IFT20: variants seen among roughly 807,000 people sequenced by gnomAD.
IFT20 encodes intraflagellar transport 20, also known as intraflagellar transport protein 20 homolog.
A neutral mutation model predicts 16.9 loss-of-function variants in IFT20; 4 were observed. The ratio of observed to expected loss-of-function variants is 0.24; its 90% CI spans 0.12 to 0.54. The LOEUF (loss-of-function observed/expected upper bound fraction) is 0.54. Ranked by LOEUF, IFT20 falls within the 20% of genes least tolerant of loss-of-function variation. The pLI is 0.95. For missense variants in IFT20, 154 were observed against 149.7 expected, an observed-to-expected ratio of 1.03 and a Z score of -0.15; for synonymous variants, 48 against 49.9, an observed-to-expected ratio of 0.96 and a Z score of 0.16.
rs782177860 is a variant in IFT20 at position 28,329,188 on chromosome 17, T to C, written c.302A>G (p.Lys101Arg). 6.2e-7 allele frequency: 1 copy of C among 1,613,592 alleles called. No individual in the cohort carries two copies. Among genetic ancestry groups the C allele is most frequent in the Non-Finnish European group, 8.5e-7 (1 of 1,179,588 alleles). ...QQLQALIAEK[K>R]MQLERYRVEY... ...GACTTCTTACCTTTCTAGCTGCATT[T>C]TCTTTTCTGCTATTAGGGCTTGAAG... The change falls in exon 4 of 5, where the codon AAA becomes AGA. Residue 101 changes from lysine to arginine, a missense_variant. Lys to Arg is a conservative substitution (Grantham distance 26, BLOSUM62 2). Coordinates refer to ENST00000395418, the MANE Select transcript of IFT20 (RefSeq NM_001267776.2).
In IFT20 at chr17:28,328,457, A is replaced by G. The variant is rs1906470370; in HGVS notation, c.*195T>C. ...TGAGAACGTACACTGCAGGGCCACCAGCAGCAGCTGTGCACTGATGTTAAA... is the reference window on the plus strand; with the variant it reads ...TGAGAACGTACACTGCAGGGCCACCGGCAGCAGCTGTGCACTGATGTTAAA... On this transcript the variant is annotated 3_prime_UTR_variant, in exon 5 of 5. Transcript: ENST00000395418. 5.2e-6 allele frequency: 3 copies of G among 580,086 alleles called. No homozygotes were observed. In the South Asian group the frequency reaches 6.6e-5, roughly 13 times the overall value. 35.9% of individuals were successfully genotyped at this position (580,086 alleles called of 1,614,324 possible).
intron 3 of IFT20, 150 bp from the exon 4 acceptor site, chr17:28,329,426 A>G (rs925249161): frequency 3.2e-6 from 2 of 619,456 alleles, no homozygotes; most frequent in Non-Finnish European, 5.7e-6. Flanking sequence ...AGTCAGAAGG[A>G]TTAACCTACT....
chr17:28,328,613 T>C lies in IFT20; in HGVS notation c.*39A>G. 7.1e-7 allele frequency: 1 copy of C among 1,410,830 alleles called. No homozygotes were observed. Among genetic ancestry groups the C allele is most frequent in the African/African-American group, 1.4e-5 (1 of 69,540 alleles). The allele number at this position is 1,410,830 out of a possible 1,614,324, so 87.4% of individuals were successfully genotyped here. ...TTTTTTTGGTTTTGAGAGGCTTTTTTTTGTTTTGCCTTCCTACTATAAAAG... is the reference window on the plus strand; with the variant it reads ...TTTTTTTGGTTTTGAGAGGCTTTTTCTTGTTTTGCCTTCCTACTATAAAAG... On this transcript the variant is annotated 3_prime_UTR_variant, in exon 5 of 5. Transcript: ENST00000395418.
intron 4 of IFT20, 28 bp from the exon 5 acceptor site, chr17:28,328,761 GA>G: frequency 2.2e-6 from 3 of 1,360,716 alleles, no homozygotes; most frequent in South Asian, 1.2e-5. Context: ...TAGAGGCCCT[GA>G]AAAAAAGATG....
intron 2 of IFT20, 85 bp downstream of exon 2, chr17:28,331,774 C>T: frequency 3.2e-6 from 5 of 1,554,230 alleles, no homozygotes; most frequent in Non-Finnish European, 4.4e-6. Context: ...CCAGCAGCTC[C>T]ACTGTGGCAG....
intron 3 of IFT20, 196 bp downstream of exon 3, chr17:28,330,247 A>T (rs541557120): frequency 3.6e-5 from 22 of 616,942 alleles, no homozygotes; most frequent in African/African-American, 1.7e-4. Flanking sequence ...AAAAAAAAAA[A>T]AAAATAAAGA....
intron 3 of IFT20, chr17:28,329,603 A>G (rs1377283284): frequency 8.4e-6 from 2 of 237,270 alleles, no homozygotes; most frequent in Non-Finnish European, 1.6e-5. Context: ...TAAAATGAGG[A>G]TAAGACCATC....
chr17:28,330,424 G>T lies in IFT20; in HGVS notation c.213+19C>A. The stretch of plus-strand genomic sequence containing the variant: ...AGGGTCCCAGGCCAAGATGTAGGCG[G>T]AAGACATGCTGATCTTACCTTCATC... On this transcript the variant is annotated intron_variant, in intron 3 of 4. Transcript: ENST00000395418. The T allele has an allele frequency of 4.4e-6, 7 of 1,579,584 alleles. No individual in the cohort carries two copies. Among genetic ancestry groups the T allele is most frequent in the Non-Finnish European group, 6.1e-6 (7 of 1,148,502 alleles).
At chr17:28,328,949 C>G (rs1372633451) in intron 4 of IFT20, 3 of 614,112 alleles carry the variant, frequency 4.9e-6, no homozygotes, top group East Asian at 5.7e-5. Flanking sequence ...CTTCGTGGAC[C>G]CTTTCATGCT....
chr17:28,330,518 C>T lies in IFT20; in HGVS notation c.138G>A (p.Gln46=). 1 of 1,610,560 alleles carries T rather than the reference C, an allele frequency of 6.2e-7. No homozygotes were observed. The highest frequency in any genetic ancestry group is 1.1e-5 in the South Asian group (1 of 91,002). The change falls in exon 3 of 5, where the codon CAG becomes CAA. Residue 46 remains glutamine (Q), a synonymous_variant. Transcript: ENST00000395418. Reference sequence around the variant, plus strand: ...TTAAACCACCAACTATTTTCTGAAACTGGCCAATTTCTTTTAGGAAAAGAA... The same window carrying T: ...TTAAACCACCAACTATTTTCTGAAATTGGCCAATTTCTTTTAGGAAAAGAA... The part of the protein sequence containing the change: ...ECKDFVDKIG[Q]FQKIVGGLIE...
rs112156854 is a variant in IFT20 at position 28,332,263 on chromosome 17, A to T, written c.-2-276T>A. Reference sequence around the variant, plus strand: ...AAAGAATAAAGTCCGCTTGCTTGTCACAGGCATCGTTCATTCAACACACAT... The same window carrying T: ...AAAGAATAAAGTCCGCTTGCTTGTCTCAGGCATCGTTCATTCAACACACAT... On this transcript the variant is annotated intron_variant, in intron 1 of 4. Transcript: ENST00000395418. 1,843 of 1,491,218 alleles carry T rather than the reference A, an allele frequency of 1.2e-3. 23 individuals carry two copies. In the African/African-American group the frequency reaches 0.023, roughly 19 times the overall value. 92.4% of individuals were successfully genotyped at this position (1,491,218 alleles called of 1,614,324 possible). A position where few individuals can be genotyped will look rare whatever the true frequency, so the allele number is the denominator to read the frequency against.
chr17:28,332,370 G>A, intron 1 of IFT20: 2 of 606,014 alleles, frequency 3.3e-6, no homozygotes, highest in Non-Finnish European at 5.7e-6. Context: ...GCCCTGAAGA[G>A]CACATAGTTC....
chr17:28,330,297 G>A, intron 3 of IFT20, 146 bp downstream of exon 3: 3 of 666,610 alleles, frequency 4.5e-6, no homozygotes, highest in Non-Finnish European at 5.4e-6. Context: ...AGTAGGTTAA[G>A]TGGACCAGAA....
chr17:28,328,421 A>G lies in IFT20; in HGVS notation c.*231T>C, dbSNP rs114585959. 1,548 of 457,856 alleles carry G rather than the reference A, an allele frequency of 3.4e-3. 19 individuals are homozygous for G. Among genetic ancestry groups the G allele is most frequent in the African/African-American group, 0.029 (1,423 of 49,068 alleles). The allele number at this position is 457,856 out of a possible 1,614,324, so 28.4% of individuals were successfully genotyped here. On this transcript the variant is annotated 3_prime_UTR_variant, in exon 5 of 5. Coordinates refer to ENST00000395418, the MANE Select transcript of IFT20 (RefSeq NM_001267776.2). Reference sequence around the variant, plus strand: ...TTTACAAACTGCTTAGTTCCAACTAAGCATAAGAGGTGAGAACGTACACTG... The same window carrying G: ...TTTACAAACTGCTTAGTTCCAACTAGGCATAAGAGGTGAGAACGTACACTG...
intron 2 of IFT20, among the ~76,000 whole-genome samples, chr17:28,330,924 A>C (rs1261570303): frequency 1.3e-5 from 2 of 152,236 alleles, no homozygotes; most frequent in Non-Finnish European, 2.9e-5. Flanking sequence ...GCCAGCCGCT[A>C]TGACCTCCGG....
chr17:28,328,528 C>T lies in IFT20; in HGVS notation c.*124G>A. ...AGTGCTGTCTTCAGGGGGCTGCATT[C>T]CTTACACGCCACCTCTTGTGACATA... is the stretch of plus-strand genomic sequence containing the variant. On this transcript the variant is annotated 3_prime_UTR_variant, in exon 5 of 5. Coordinates refer to ENST00000395418, the MANE Select transcript of IFT20 (RefSeq NM_001267776.2). 1 of 689,944 alleles carries T rather than the reference C, an allele frequency of 1.4e-6. No homozygotes were observed. The highest frequency in any genetic ancestry group is 1.7e-5 in the South Asian group (1 of 59,670). 42.7% of individuals were successfully genotyped at this position (689,944 alleles called of 1,614,324 possible). A position where few individuals can be genotyped will look rare whatever the true frequency, so the allele number is the denominator to read the frequency against.
chr17:28,329,798 A>C (rs538884704), intron 3 of IFT20: 1 of 180,866 alleles, frequency 5.5e-6, no homozygotes, highest in East Asian at 1.4e-4. Context: ...GCAGTCACTC[A>C]CGCCTTAATC....
intron 1 of IFT20, chr17:28,332,317 T>C: frequency 1.0e-6 from 1 of 987,976 alleles, no homozygotes; most frequent in Non-Finnish European, 1.5e-6. Flanking sequence ...ATGCCAACAC[T>C]GCTAGATGCT....
Position 28,329,257 on chromosome 17 carries a change from A to C in IFT20, c.233T>G (p.Leu78Trp). ...TCTCTGCTTTGCTATAGATTTGAGC[A>C]AGTTCCGAGCACCGATGGCCTACAG... ...EKMKAIGARN[L>W]LKSIAKQREA... Residue 78 changes from leucine to tryptophan, a missense_variant, in exon 4 of 5, where the codon TTG becomes TGG. Transcript: ENST00000395418. 6 of 1,614,068 alleles carry C rather than the reference A, an allele frequency of 3.7e-6. No individual in the cohort carries two copies. The highest frequency in any genetic ancestry group is 5.1e-6 in the Non-Finnish European group (6 of 1,179,986).
Sources: gnomAD v4.1 joint callset for allele counts (sites outside exome capture counted in the v4.1 genomes callset) on GRCh38, gnomAD v4.1.1 for gene constraint, MANE v1.5 for transcripts, NCBI Gene and HGNC (gene_info 2026-07-23, HGNC 2026-07-21) for gene names.